PRSS23: variants seen among roughly 807,000 people sequenced by gnomAD.
The protein encoded by PRSS23 is protease, serine 23.
In PRSS23, 25 loss-of-function variants were observed where a neutral mutation model predicts 34.7. The observed-to-expected ratio is 0.72, with a 90% CI of 0.53 to 1.01. The LOEUF (loss-of-function observed/expected upper bound fraction) is 1.01, where lower values mean the gene tolerates loss of function less well. PRSS23 is among the 50% of genes least tolerant of loss of function. PRSS23 has a pLI of 0.00. For synonymous variants in PRSS23, 176 were observed against 186.6 expected, an observed-to-expected ratio of 0.94 and a Z score of 0.46; for missense variants, 445 against 475.6, an observed-to-expected ratio of 0.94 and a Z score of 0.60.
In PRSS23 at chr11:86,847,111, G is replaced by A. The variant is rs566142354; in HGVS notation, c.206+23518G>A. 2.9e-3 allele frequency among the ~76,000 whole-genome samples: 447 copies of A among 152,182 alleles called. 6 individuals are homozygous for A. The highest frequency in any genetic ancestry group is 7.5e-3 in the African/African-American group (310 of 41,502). On this transcript the variant is annotated intron_variant, in intron 2 of 2. Coordinates refer to the PRSS23 transcript ENST00000533902. ...CAGGATACTGGTACCACCTTGAGAG[G>A]GGGGCTTACTCTTTTGATGGCAAGT...
chr11:86,946,595 G>C (rs1035566931), intron 2 of PRSS23: 1 of 152,432 alleles, frequency 6.6e-6, no homozygotes, highest in Non-Finnish European at 1.5e-5. Flanking sequence ...CATGGCAAGA[G>C]ACAGCAACAG....
chr11:86,800,548 G>C lies in PRSS23; in HGVS notation c.-117G>C. On this transcript the variant is annotated 5_prime_UTR_variant, in exon 1 of 2. Transcript: ENST00000280258. ...GCTGCTCGCCAGCTTGCTCGCACTC[G>C]GCTGTGCGGCGGGGCAGGCATGGGA... The C allele has an allele frequency of 3.0e-6, 3 of 984,776 alleles. No homozygotes were observed. Among genetic ancestry groups the C allele is most frequent in the South Asian group, 4.7e-5 (1 of 21,292 alleles). The allele number at this position is 984,776 out of a possible 1,614,324, so 61.0% of individuals were successfully genotyped here. A position where few individuals can be genotyped will look rare whatever the true frequency, so the allele number is the denominator to read the frequency against.
At chr11:86,824,105 A>C (rs1003916967) in intron 2 of PRSS23, among the ~76,000 whole-genome samples, 3 of 151,264 alleles carry the variant, frequency 2.0e-5, no homozygotes, top group African/African-American at 7.3e-5. Context: ...AAGAAGGGGA[A>C]TCATTCAGCC....
chr11:86,808,357 C>T lies in PRSS23; in HGVS notation c.714C>T (p.Ala238=), dbSNP rs566631963. The change falls in exon 2 of 2, where the codon GCC becomes GCT. Residue 238 remains alanine (A), a synonymous_variant. Coordinates refer to ENST00000280258, the MANE Select transcript of PRSS23 (RefSeq NM_007173.6). ...HVPKGWIKGN[A]NDIGMDYDYA... The stretch of plus-strand genomic sequence containing the variant: ...CCAAGGGTTGGATCAAGGGCAATGC[C>T]AATGACATCGGCATGGATTATGATT... The T allele has an allele frequency of 2.5e-6, 4 of 1,614,162 alleles. No individual in the cohort carries two copies. In the Admixed American group the frequency reaches 6.7e-5, roughly 27 times the overall value.
At chr11:86,939,116 G>A (rs1397519166) in intron 2 of PRSS23, 2 of 401,688 alleles carry the variant, frequency 5.0e-6, no homozygotes, top group Non-Finnish European at 9.7e-6. Context: ...AGAGAACATC[G>A]CCAGAAACAC....
chr11:86,905,674 A>G (rs1408316637), intron 2 of PRSS23, among the ~76,000 whole-genome samples: 2 of 152,166 alleles, frequency 1.3e-5, no homozygotes, highest in Non-Finnish European at 2.9e-5. Flanking sequence ...ATACCTTCAC[A>G]CTTTTCCAGA....
intron 2 of PRSS23, chr11:86,912,115 C>T (rs1251878030): frequency 1.3e-5 from 2 of 152,068 alleles, no homozygotes; most frequent in Admixed American, 1.3e-4. Context: ...TATGCATCTC[C>T]AGATTGGTGA....
rs755835504 is a variant in PRSS23 at position 86,807,704 on chromosome 11, G to A, written c.61G>A (p.Val21Met). ...LFFLLCAVGQ[V>M]SPYSAPWKPT... is the part of the protein sequence containing the mutation. ...CTTTCTGCTCTGTGCTGTTGGGCAA[G>A]TGAGCCCTTACAGTGCCCCCTGGAA... The change falls in exon 2 of 2, where the codon GTG (valine) becomes ATG (methionine). Residue 21 changes from valine (V) to methionine (M), a missense_variant. By Grantham distance (21) the Val-to-Met change is conservative (BLOSUM62 1). Coordinates refer to ENST00000280258, the MANE Select transcript of PRSS23 (RefSeq NM_007173.6). The A allele has an allele frequency of 6.8e-6, 11 of 1,614,072 alleles. No individual in the cohort carries two copies. The highest frequency in any genetic ancestry group is 9.3e-6 in the Non-Finnish European group (11 of 1,179,974).
At chr11:86,892,628 T>C (rs997209451) in intron 2 of PRSS23, among the ~76,000 whole-genome samples, 1 of 152,220 alleles carries the variant, frequency 6.6e-6, no homozygotes, top group African/African-American at 2.4e-5. Context: ...TGATAATCTT[T>C]AAAACTGACA....
intron 2 of PRSS23, among the ~76,000 whole-genome samples, chr11:86,840,311 G>A (rs1948438205): frequency 1.3e-5 from 2 of 152,198 alleles, no homozygotes; most frequent in African/African-American, 4.8e-5. Context: ...AGCAGGGATT[G>A]CAATCCTAGT....
rs1385114078 is a variant in PRSS23, at chr11:86,826,705, A to G, written c.206+3112A>G. On this transcript the variant is annotated intron_variant, in intron 2 of 2. Coordinates refer to the PRSS23 transcript ENST00000533902. ...TTATTGAGAGTTTTTAGCATGAAGC[A>G]TTGTTGAATTTTGTCAAAGGCCTTT... 7.9e-5 allele frequency among the ~76,000 whole-genome samples: 12 copies of G among 152,176 alleles called. No homozygotes were observed. The East Asian group carries it at 1.7e-3, about 22-fold the overall frequency.
intron 2 of PRSS23, among the ~76,000 whole-genome samples, chr11:86,842,030 T>C (rs1948452573): frequency 1.3e-5 from 2 of 152,212 alleles, no homozygotes; most frequent in African/African-American, 4.8e-5. Flanking sequence ...GAGAAAATCC[T>C]CAGTAAGATA....
Position 86,873,151 on chromosome 11 carries a change from A to C in PRSS23, c.206+49558A>C, listed in dbSNP as rs1729031778. 2.0e-5 allele frequency among the ~76,000 whole-genome samples: 3 copies of C among 151,048 alleles called. No homozygotes were observed. The Admixed American group carries it at 2.0e-4, about 10-fold the overall frequency. On this transcript the variant is annotated intron_variant, in intron 2 of 2. Transcript: ENST00000533902. ...TGAGAATAGTTCTTCTTTCAATTGCAACCTTGTGATTTGCACACACAGGAA... is the reference window on the plus strand; with the variant it reads ...TGAGAATAGTTCTTCTTTCAATTGCCACCTTGTGATTTGCACACACAGGAA...
At chr11:86,884,259 C>A (rs1435497708) in intron 2 of PRSS23, among the ~76,000 whole-genome samples, 1 of 152,122 alleles carries the variant, frequency 6.6e-6, no homozygotes, top group East Asian at 1.9e-4. Context: ...CCAATTCACC[C>A]CCCACATTGC....
At chr11:86,940,855 C>G (rs1949202648) in intron 2 of PRSS23, 1 of 152,196 alleles carries the variant, frequency 6.6e-6, no homozygotes, top group Non-Finnish European at 1.5e-5. Flanking sequence ...AGAGCAATCT[C>G]TTTGTATTTA....
intron 2 of PRSS23, among the ~76,000 whole-genome samples, chr11:86,824,973 A>G (rs1948287638): frequency 6.6e-6 from 1 of 152,166 alleles, no homozygotes; most frequent in African/African-American, 2.4e-5. Flanking sequence ...AGCATGATTT[A>G]TAGTCCTTTG....
downstream of PRSS23, among the ~76,000 whole-genome samples, chr11:86,813,809 A>G (rs1948196754): frequency 6.6e-6 from 1 of 152,242 alleles, no homozygotes; most frequent in African/African-American, 2.4e-5. Flanking sequence ...TTCATATTTG[A>G]CAATATCTCT....
Position 86,795,131 on chromosome 11 carries a change from T to A in PRSS23, c.-14+3936T>A, listed in dbSNP as rs968721150. Among the ~76,000 whole-genome samples the A allele has an allele frequency of 3.3e-5, 5 of 152,202 alleles. No homozygotes were observed. In the East Asian group the frequency reaches 9.6e-4, roughly 29 times the overall value. The stretch of plus-strand genomic sequence containing the variant: ...TCTGGATTAAACTTTTTAGCATGGA[T>A]AATATAACAGTTTGATTTATTCATT... On this transcript the variant is annotated intron_variant, in intron 1 of 1. Coordinates refer to the PRSS23 transcript ENST00000527521.
chr11:86,847,024 T>A (rs938171463), intron 2 of PRSS23, among the ~76,000 whole-genome samples: 1 of 152,214 alleles, frequency 6.6e-6, no homozygotes, highest in Non-Finnish European at 1.5e-5. Context: ...CTTAGAGCCA[T>A]TGAATTGTTG....
Sources: allele counts gnomAD v4.1 joint callset (sites outside exome capture counted in the v4.1 genomes callset), GRCh38; gene constraint gnomAD v4.1.1; transcripts MANE v1.5; gene names NCBI Gene and HGNC (gene_info 2026-07-23, HGNC 2026-07-21).